MYO1D: variants seen among roughly 807,000 people sequenced by gnomAD.
MYO1D encodes myosin ID, also known as unconventional myosin-Id.
A neutral mutation model predicts 122.0 loss-of-function variants in MYO1D; 83 were observed. The ratio of observed to expected loss-of-function variants is 0.68; its 90% CI spans 0.57 to 0.82. The LOEUF (loss-of-function observed/expected upper bound fraction) is 0.82, where lower values mean the gene tolerates loss of function less well. Among genes scored for constraint, MYO1D ranks in the 40% least tolerant of loss-of-function variants. MYO1D has a pLI of 0.00. For synonymous variants in MYO1D, 464 were observed against 446.9 expected, an observed-to-expected ratio of 1.04 and a Z score of -0.48; for missense variants, 1,157 against 1,269.5, an observed-to-expected ratio of 0.91 and a Z score of 1.35.
intron 20 of MYO1D, among the ~76,000 whole-genome samples, chr17:32,618,439 T>C (rs2087806352): frequency 6.6e-6 from 1 of 152,114 alleles, no homozygotes; most frequent in Admixed American, 6.5e-5. Context: ...AACATCTCCA[T>C]ATCAAACTTC....
chr17:32,695,342 T>G (rs1210688735), intron 16 of MYO1D, among the ~76,000 whole-genome samples: 1 of 152,218 alleles, frequency 6.6e-6, no homozygotes, highest in Non-Finnish European at 1.5e-5. Context: ...GTTTGCTCAC[T>G]TGCCGCCCAC....
chr17:32,650,172 G>A (rs1385013370), intron 19 of MYO1D, among the ~76,000 whole-genome samples: 1 of 151,990 alleles, frequency 6.6e-6, no homozygotes, highest in Non-Finnish European at 1.5e-5. Context: ...TTTCACTTTG[G>A]TTTTTGAAAG....
At chr17:32,592,743 A>T (rs1033239246) in intron 21 of MYO1D, among the ~76,000 whole-genome samples, 7 of 152,026 alleles carry the variant, frequency 4.6e-5, no homozygotes, top group Non-Finnish European at 7.4e-5. Context: ...GTAAAGTACA[A>T]CAATGTAGGG....
intron 21 of MYO1D, among the ~76,000 whole-genome samples, chr17:32,549,324 G>A (rs550540662): frequency 5.9e-4 from 90 of 151,360 alleles, no homozygotes; most frequent in African/African-American, 2.1e-3. Flanking sequence ...TTAAACTCCT[G>A]GGCTCAAGTG....
In MYO1D at chr17:32,778,581, GA is replaced by G. The variant is rs751823611; in HGVS notation, c.305-9del. On this transcript the variant is annotated splice_polypyrimidine_tract_variant and intron_variant, in intron 2 of 21. Coordinates refer to ENST00000318217, the MANE Select transcript of MYO1D (RefSeq NM_015194.3). Reference sequence around the variant, plus strand: ...TACCAGCTCCACTTTCCCCTGGGGGGAAAAATTGTTCAGGGCTTAACATAAT... The same window carrying G: ...TACCAGCTCCACTTTCCCCTGGGGGGAAAATTGTTCAGGGCTTAACATAAT... 1.2e-6 allele frequency: 2 copies of G among 1,607,458 alleles called. No homozygotes were observed. Among genetic ancestry groups the G allele is most frequent in the Non-Finnish European group, 1.7e-6 (2 of 1,174,240 alleles).
chr17:32,529,279 G>A (rs1391616766), intron 21 of MYO1D, among the ~76,000 whole-genome samples: 1 of 152,046 alleles, frequency 6.6e-6, no homozygotes, highest in Non-Finnish European at 1.5e-5. Flanking sequence ...AGTCTGGCAG[G>A]GTCTCAGAAG....
chr17:32,502,083 G>C (rs1394625747), intron 21 of MYO1D, among the ~76,000 whole-genome samples: 1 of 152,220 alleles, frequency 6.6e-6, no homozygotes, highest in African/African-American at 2.4e-5. Context: ...GTCTTCTTCT[G>C]TGTTGATGAC....
intron 11 of MYO1D, 147 bp downstream of exon 11, chr17:32,755,345 C>A: frequency 1.2e-6 from 1 of 854,734 alleles, no homozygotes; most frequent in African/African-American, 1.7e-5. Flanking sequence ...TTATCCACAG[C>A]AACAAATCAT....
chr17:32,535,366 T>C (rs1334799066), intron 21 of MYO1D, among the ~76,000 whole-genome samples: 1 of 152,244 alleles, frequency 6.6e-6, no homozygotes, highest in Non-Finnish European at 1.5e-5. Flanking sequence ...ACGTAAACCA[T>C]GTAATAATAA....
intron 16 of MYO1D, among the ~76,000 whole-genome samples, chr17:32,680,879 C>T (rs1264578503): frequency 6.6e-6 from 1 of 152,058 alleles, no homozygotes. Context: ...TCCATCTGGT[C>T]CTGGACTCTT....
At chr17:32,653,017 C>T (rs563169128) in intron 19 of MYO1D, among the ~76,000 whole-genome samples, 14 of 152,122 alleles carry the variant, frequency 9.2e-5, no homozygotes, top group East Asian at 7.8e-4. Context: ...TGGTGGGCGC[C>T]TGTAGTCCCA....
chr17:32,611,444 TTAGACCTG>T (rs2150918904), intron 20 of MYO1D, among the ~76,000 whole-genome samples: 1 of 149,548 alleles, frequency 6.7e-6, no homozygotes, highest in South Asian at 2.1e-4. Context: ...CAGAGAAGTT[TTAGACCTG>T]TAGAATAAAG....
At chr17:32,705,420 C>T (rs1258134721) in intron 16 of MYO1D, among the ~76,000 whole-genome samples, 6 of 139,720 alleles carry the variant, frequency 4.3e-5, no homozygotes, top group Non-Finnish European at 6.3e-5. Context: ...CCACCATGCC[C>T]GGCTAATTTT....
At chr17:32,646,241 C>G (rs1199228030) in intron 19 of MYO1D, among the ~76,000 whole-genome samples, 1 of 152,098 alleles carries the variant, frequency 6.6e-6, no homozygotes, top group African/African-American at 2.4e-5. Context: ...TACAAATATT[C>G]AATAGAACAC....
chr17:32,515,555 G>A (rs533221091), intron 21 of MYO1D, among the ~76,000 whole-genome samples: 4 of 152,112 alleles, frequency 2.6e-5, no homozygotes, highest in Non-Finnish European at 4.4e-5. Flanking sequence ...GCCTCCCAAA[G>A]TGTTGGTATT....
intron 19 of MYO1D, among the ~76,000 whole-genome samples, chr17:32,649,494 A>G (rs2088354016): frequency 6.6e-6 from 1 of 151,684 alleles, no homozygotes; most frequent in Non-Finnish European, 1.5e-5. Flanking sequence ...TATAATATCA[A>G]CGTTCACCTT....
rs60290556 is a variant in MYO1D at position 32,552,419 on chromosome 17, CCCATCCATCCAT to C, written c.2864+52656_2864+52667del. Among the ~76,000 whole-genome samples the C allele has an allele frequency of 2.5e-4, 36 of 143,608 alleles. 2 individuals are homozygous for C. Among genetic ancestry groups the C allele is most frequent in the South Asian group, 1.1e-3 (5 of 4,566 alleles). The allele number at this position is 143,608 out of a possible 152,430, so 94.2% of individuals were successfully genotyped here. A position where few individuals can be genotyped will look rare whatever the true frequency, so the allele number is the denominator to read the frequency against. On this transcript the variant is annotated intron_variant, in intron 21 of 21. Coordinates refer to ENST00000318217, the MANE Select transcript of MYO1D (RefSeq NM_015194.3). ...CCTTTGTAATCCATCCATCCATCCACCCATCCATCCATCCATCCATCCATCCATCCATCCATC... is the reference window on the plus strand; with the variant it reads ...CCTTTGTAATCCATCCATCCATCCACCCATCCATCCATCCATCCATCCATC...
intron 19 of MYO1D, among the ~76,000 whole-genome samples, chr17:32,639,363 T>TTGTGTGTGTGTGTGTGTGTG (rs10674390): frequency 7.8e-6 from 1 of 128,222 alleles, no homozygotes; most frequent in Non-Finnish European, 1.6e-5. Context: ...GGGAGAAATT[T>TTGTGTGTGTGTGTGTGTGTG]TGTGTGTGTG....
intron 21 of MYO1D, among the ~76,000 whole-genome samples, chr17:32,602,168 G>A (rs2087569811): frequency 6.6e-6 from 1 of 152,088 alleles, no homozygotes; most frequent in African/African-American, 2.4e-5. Flanking sequence ...CTTATCTCTA[G>A]TTAACTTATA....
Sources: allele counts gnomAD v4.1 joint callset (sites outside exome capture counted in the v4.1 genomes callset), GRCh38; gene constraint gnomAD v4.1.1; transcripts MANE v1.5; gene names NCBI Gene and HGNC (gene_info 2026-07-23, HGNC 2026-07-21).